The following CNTN1 variants were observed in gnomAD, a reference collection of about 807,000 sequenced individuals.
CNTN1 encodes contactin-1.
In CNTN1, 38 loss-of-function variants were observed where a neutral mutation model predicts 126.4. The observed-to-expected ratio is 0.30, with a 90% CI of 0.23 to 0.39. The LOEUF (loss-of-function observed/expected upper bound fraction) is 0.39, where lower values mean the gene tolerates loss of function less well. Ranked by LOEUF, CNTN1 falls within the 10% of genes least tolerant of loss-of-function variation. The probability of loss-of-function intolerance (pLI) is 1.00; values close to 1 mark genes in which losing one functional copy is unlikely to be tolerated. For missense variants in CNTN1, 1,009 were observed against 1,248.4 expected (o/e 0.81, Z 2.89); for synonymous variants, 413 against 422.6 (o/e 0.98, Z 0.28).
At chr12:40,887,582 C>T (rs202109547) in intron 1 of CNTN1, among the ~76,000 whole-genome samples, 14,926 of 151,978 alleles carry the variant, frequency 0.098, 861 homozygotes, top group Non-Finnish European at 0.13. Flanking sequence ...TAAACTAGTT[C>T]AACCCTTGTG....
intron 1 of CNTN1, among the ~76,000 whole-genome samples, chr12:40,727,251 C>T (rs1434257996): frequency 6.6e-6 from 1 of 151,122 alleles, no homozygotes; most frequent in African/African-American, 2.4e-5. Flanking sequence ...ATGCTATTTA[C>T]AAGAGAAAAG....
intron 18 of CNTN1, among the ~76,000 whole-genome samples, chr12:41,015,597 A>C (rs1268615444): frequency 6.6e-6 from 1 of 152,168 alleles, no homozygotes; most frequent in Admixed American, 6.5e-5. Flanking sequence ...AACCACATAC[A>C]GCTTCTACCA....
chr12:41,016,781 C>T lies in CNTN1; in HGVS notation c.2284C>T (p.Pro762Ser), dbSNP rs566695601. Residue 762 changes from proline to serine, a missense_variant, in exon 19 of 24, where the codon CCT (proline) becomes TCT (serine). Coordinates refer to ENST00000551295, the MANE Select transcript of CNTN1 (RefSeq NM_001843.4). ...ATGGAAAAAAGTCACAGTTACTAAT[C>T]CTGATACTGGCCGATATGTCCATAA... is the stretch of plus-strand genomic sequence containing the variant. ...EEWKKVTVTN[P>S]DTGRYVHKDE... is the part of the protein sequence containing the mutation. 18 of 1,614,084 alleles carry T rather than the reference C, an allele frequency of 1.1e-5. No homozygotes were observed. Among genetic ancestry groups the T allele is most frequent in the Non-Finnish European group, 1.4e-5 (17 of 1,179,972 alleles).
chr12:40,812,077 C>T (rs1274221691), intron 1 of CNTN1, among the ~76,000 whole-genome samples: 3 of 151,092 alleles, frequency 2.0e-5, no homozygotes, highest in Non-Finnish European at 4.4e-5. Context: ...CCTTAAATTT[C>T]GGTATGTTGT....
At position 40,746,390 on chromosome 12, in the gene CNTN1, G is replaced by A. The variant is rs145348652; in HGVS notation, c.-77+53798G>A. Among the ~76,000 whole-genome samples the A allele has an allele frequency of 8.3e-3, 1,268 of 152,202 alleles. 5 individuals carry two copies. The highest frequency in any genetic ancestry group is 0.024 in the Middle Eastern group (7 of 294). ...ATTGGCAGCAAATCTATAAGGGTCT[G>A]CAGCAATCTCAATTCTTGCCTCCTT... On this transcript the variant is annotated intron_variant, in intron 1 of 23. Transcript: ENST00000551295.
chr12:40,809,003 CA>C, intron 1 of CNTN1, among the ~76,000 whole-genome samples: 1 of 152,106 alleles, frequency 6.6e-6, no homozygotes, highest in African/African-American at 2.4e-5. Flanking sequence ...AAGAATTTTG[CA>C]TCTGACGATT....
At chr12:40,893,012 A>C (rs1944296160) in intron 1 of CNTN1, among the ~76,000 whole-genome samples, 1 of 151,744 alleles carries the variant, frequency 6.6e-6, no homozygotes, top group African/African-American at 2.4e-5. Context: ...ATATTTATTA[A>C]AATACCAAAA....
At chr12:40,701,553 G>T (rs1565617870) in intron 1 of CNTN1, among the ~76,000 whole-genome samples, 1 of 151,966 alleles carries the variant, frequency 6.6e-6, no homozygotes, top group East Asian at 1.9e-4. Flanking sequence ...TACTGTAATA[G>T]AATTTTATCT....
chr12:40,777,640 A>T (rs1346775242), intron 1 of CNTN1, among the ~76,000 whole-genome samples: 2 of 151,862 alleles, frequency 1.3e-5, no homozygotes, highest in African/African-American at 4.8e-5. Context: ...TATGGGAAAA[A>T]GTCTGGAATG....
chr12:40,760,178 G>A (rs955422893), intron 1 of CNTN1, among the ~76,000 whole-genome samples: 1 of 151,964 alleles, frequency 6.6e-6, no homozygotes, highest in Non-Finnish European at 1.5e-5. Context: ...TGACAGTATA[G>A]GAAATATGTT....
At chr12:40,847,289 C>T (rs1942546352) in intron 1 of CNTN1, among the ~76,000 whole-genome samples, 1 of 152,196 alleles carries the variant, frequency 6.6e-6, no homozygotes, top group African/African-American at 2.4e-5. Flanking sequence ...ACCTGGTTAA[C>T]TTCCAGGGAT....
intron 1 of CNTN1, among the ~76,000 whole-genome samples, chr12:40,797,446 G>A (rs1299419517): frequency 6.6e-6 from 1 of 152,024 alleles, no homozygotes; most frequent in Non-Finnish European, 1.5e-5. Flanking sequence ...GAGACAGAGA[G>A]TATGTTAGGA....
chr12:40,723,822 A>C (rs1474204580), intron 1 of CNTN1, among the ~76,000 whole-genome samples: 1 of 152,204 alleles, frequency 6.6e-6, no homozygotes, highest in Non-Finnish European at 1.5e-5. Flanking sequence ...GAATCTCTGC[A>C]TGTGTTTAAA....
At chr12:40,703,648 T>C (rs1372840145) in intron 1 of CNTN1, among the ~76,000 whole-genome samples, 2 of 152,222 alleles carry the variant, frequency 1.3e-5, no homozygotes, top group Non-Finnish European at 2.9e-5. Flanking sequence ...TCAAAGCTGC[T>C]TGTTCTTCAG....
chr12:40,870,125 G>T (rs1253945999), intron 1 of CNTN1, among the ~76,000 whole-genome samples: 5 of 151,938 alleles, frequency 3.3e-5, no homozygotes, highest in African/African-American at 1.2e-4. Context: ...CACCATGATT[G>T]TGAGGCCTCT....
At chr12:40,986,089 G>A (rs1947948736) in intron 16 of CNTN1, among the ~76,000 whole-genome samples, 1 of 151,972 alleles carries the variant, frequency 6.6e-6, no homozygotes, top group Admixed American at 6.6e-5. Context: ...ATATTCCATG[G>A]GAATTTCCTA....
At chr12:40,696,115 T>G (rs868388502) in intron 1 of CNTN1, among the ~76,000 whole-genome samples, 1 of 152,232 alleles carries the variant, frequency 6.6e-6, no homozygotes, top group Non-Finnish European at 1.5e-5. Flanking sequence ...AAATAAGGTT[T>G]GGCCCATGGT....
intron 23 of CNTN1, among the ~76,000 whole-genome samples, chr12:41,046,885 A>G (rs1261576164): frequency 3.2e-5 from 4 of 125,646 alleles, no homozygotes; most frequent in African/African-American, 1.2e-4. Flanking sequence ...ATTCATCCTC[A>G]TGTCCTCAGC....
intron 15 of CNTN1, chr12:40,971,563 T>G: frequency 6.4e-7 from 1 of 1,560,260 alleles, no homozygotes; most frequent in Admixed American, 1.8e-5. Context: ...TTTAACATAT[T>G]ATACTAGATT....
Sources: gnomAD v4.1 joint callset for allele counts (sites outside exome capture counted in the v4.1 genomes callset) on GRCh38, gnomAD v4.1.1 for gene constraint, MANE v1.5 for transcripts, NCBI Gene and HGNC (gene_info 2026-07-23, HGNC 2026-07-21) for gene names.